The following MRTFA variants were observed in gnomAD, a reference collection of about 807,000 sequenced individuals.
The protein encoded by MRTFA is myocardin-related transcription factor A.
Under a neutral mutation model 83.5 loss-of-function variants are expected in MRTFA, and 20 were observed. That is an observed-to-expected ratio of 0.24 (90% CI 0.17 to 0.35). The LOEUF (loss-of-function observed/expected upper bound fraction) is 0.35. Among genes scored for constraint, MRTFA ranks in the 10% least tolerant of loss-of-function variants. MRTFA has a pLI of 1.00. For synonymous variants in MRTFA, 659 were observed against 541.2 expected, an observed-to-expected ratio of 1.22 and a Z score of -3.02; for missense variants, 1,200 against 1,224.7, an observed-to-expected ratio of 0.98 and a Z score of 0.30.
At chr22:40,471,868 T>C (rs751727891) in intron 3 of MRTFA, among the ~76,000 whole-genome samples, 2 of 151,766 alleles carry the variant, frequency 1.3e-5, no homozygotes, top group Non-Finnish European at 2.9e-5. Context: ...CAAAACCATC[T>C]CAAAAAAATA....
chr22:40,603,618 A>G (rs1210283287), intron 1 of MRTFA, among the ~76,000 whole-genome samples: 2 of 152,208 alleles, frequency 1.3e-5, no homozygotes, highest in Non-Finnish European at 2.9e-5. Flanking sequence ...TGGTTTTTCC[A>G]AGAGTTAACT....
chr22:40,412,181 T>C (rs1299949250), intron 14 of MRTFA: 1 of 284,986 alleles, frequency 3.5e-6, no homozygotes, highest in Non-Finnish European at 6.5e-6. Flanking sequence ...AAAAGAAAGA[T>C]TTGAACAGAC....
intron 14 of MRTFA, among the ~76,000 whole-genome samples, chr22:40,414,628 G>A (rs1229644735): frequency 1.3e-5 from 2 of 152,138 alleles, no homozygotes; most frequent in Non-Finnish European, 1.5e-5. Context: ...AGACACAGAA[G>A]GACAAACTGA....
intron 3 of MRTFA, among the ~76,000 whole-genome samples, chr22:40,475,999 C>T (rs1301296926): frequency 1.3e-5 from 2 of 152,014 alleles, no homozygotes; most frequent in Non-Finnish European, 1.5e-5. Context: ...AAAAAATGAG[C>T]CAGGCGTGGT....
intron 3 of MRTFA, among the ~76,000 whole-genome samples, chr22:40,469,025 T>C (rs1196426875): frequency 3.3e-5 from 5 of 152,234 alleles, no homozygotes; most frequent in Admixed American, 6.5e-5. Context: ...GTACAACTAA[T>C]ACTAGAGCAT....
At chr22:40,514,994 C>T (rs559904243) in intron 3 of MRTFA, among the ~76,000 whole-genome samples, 121 of 151,660 alleles carry the variant, frequency 8.0e-4, no homozygotes, top group Non-Finnish European at 1.7e-3. Flanking sequence ...CTGCAACCTC[C>T]GCCTTCTGGG....
chr22:40,425,706 A>C (rs925342472), intron 7 of MRTFA, among the ~76,000 whole-genome samples: 15 of 152,194 alleles, frequency 9.9e-5, no homozygotes, highest in African/African-American at 3.6e-4. Context: ...GATTTCCCCC[A>C]CAATCTCCTA....
At chr22:40,487,868 G>C (rs1346993081) in intron 3 of MRTFA, among the ~76,000 whole-genome samples, 1 of 152,076 alleles carries the variant, frequency 6.6e-6, no homozygotes, top group Non-Finnish European at 1.5e-5. Flanking sequence ...GTGCCAGGAA[G>C]CACAGTAACA....
chr22:40,589,431 T>C (rs1308952170), intron 2 of MRTFA, among the ~76,000 whole-genome samples: 1 of 152,104 alleles, frequency 6.6e-6, no homozygotes. Context: ...AGGAGAATAG[T>C]GAAGTACAGA....
At chr22:40,593,014 G>A (rs2056143661) in intron 2 of MRTFA, among the ~76,000 whole-genome samples, 2 of 151,994 alleles carry the variant, frequency 1.3e-5, no homozygotes, top group Admixed American at 1.3e-4. Flanking sequence ...ATCCACACTT[G>A]CTTTGAGCTC....
chr22:40,584,535 G>C (rs748331961), intron 2 of MRTFA, among the ~76,000 whole-genome samples: 3 of 151,332 alleles, frequency 2.0e-5, no homozygotes, highest in Non-Finnish European at 4.4e-5. Context: ...TTGGGAGTTT[G>C]AGACCAGCTT....
intron 1 of MRTFA, among the ~76,000 whole-genome samples, chr22:40,633,487 G>A (rs998459630): frequency 6.6e-6 from 1 of 152,068 alleles, no homozygotes; most frequent in African/African-American, 2.4e-5. Context: ...TCTACAAATC[G>A]TTTTTTAAAT....
At chr22:40,435,658 C>T (rs1336871080) in intron 4 of MRTFA, 104 bp from the exon 5 acceptor site, 5 of 1,315,388 alleles carry the variant, frequency 3.8e-6, no homozygotes, top group East Asian at 2.4e-5. Context: ...ACTGGCTGGG[C>T]GTGGTGGCTC....
At chr22:40,626,628 A>T (rs2056584959) in intron 1 of MRTFA, among the ~76,000 whole-genome samples, 1 of 152,152 alleles carries the variant, frequency 6.6e-6, no homozygotes, top group Non-Finnish European at 1.5e-5. Flanking sequence ...ATTTTAAAGG[A>T]AAGACAATAT....
chr22:40,463,855 C>G (rs2147154550), intron 3 of MRTFA, among the ~76,000 whole-genome samples: 1 of 152,270 alleles, frequency 6.6e-6, no homozygotes, highest in East Asian at 1.9e-4. Context: ...TCTTTCTCTT[C>G]ACTTAGAGCC....
At chr22:40,531,608 A>G (rs1394218847) in intron 3 of MRTFA, among the ~76,000 whole-genome samples, 1 of 152,180 alleles carries the variant, frequency 6.6e-6, no homozygotes, top group Non-Finnish European at 1.5e-5. Context: ...TCACCTATAA[A>G]GCATATATTC....
intron 2 of MRTFA, among the ~76,000 whole-genome samples, chr22:40,585,212 T>A (rs935302363): frequency 1.3e-5 from 2 of 152,200 alleles, no homozygotes; most frequent in Admixed American, 1.3e-4. Context: ...TGTAACTTGT[T>A]CTAGATGTCT....
At chr22:40,576,175 C>A (rs1439683846) in intron 2 of MRTFA, among the ~76,000 whole-genome samples, 1 of 151,608 alleles carries the variant, frequency 6.6e-6, no homozygotes, top group Non-Finnish European at 1.5e-5. Context: ...ATTACAGGTG[C>A]GCGCCACCAC....
chr22:40,425,672 T>A (rs1008599215), intron 7 of MRTFA, among the ~76,000 whole-genome samples: 14 of 152,192 alleles, frequency 9.2e-5, no homozygotes, highest in African/African-American at 3.4e-4. Flanking sequence ...TGACCATGTG[T>A]ACTTCATGCC....
Sources: gnomAD v4.1 joint callset for allele counts (sites outside exome capture counted in the v4.1 genomes callset) on GRCh38, gnomAD v4.1.1 for gene constraint, MANE v1.5 for transcripts, NCBI Gene and HGNC (gene_info 2026-07-23, HGNC 2026-07-21) for gene names.